The following SPG11 variants were observed in gnomAD, a reference collection of about 807,000 sequenced individuals.
SPG11 encodes SPG11 vesicle trafficking associated, spatacsin, also known as spatacsin.
Under a neutral mutation model 274.0 loss-of-function variants are expected in SPG11, and 222 were observed. That is an observed-to-expected ratio of 0.81 (90% CI 0.73 to 0.91). The LOEUF (loss-of-function observed/expected upper bound fraction) is 0.91. SPG11 is among the 40% of genes least tolerant of loss of function. The pLI is 0.00. For synonymous variants in SPG11, 1,144 were observed against 1,039.7 expected (o/e 1.10, Z -1.93); for missense variants, 3,114 against 2,872.7 (o/e 1.08, Z -1.92).
intron 30 of SPG11, among the ~76,000 whole-genome samples, chr15:44,583,306 C>T (rs2082691650): frequency 2.6e-5 from 4 of 152,092 alleles, no homozygotes; most frequent in Admixed American, 2.6e-4. Flanking sequence ...ATGGTGAAAC[C>T]CGGTCTCTAC....
chr15:44,609,749 T>G (rs2083411355), intron 18 of SPG11, among the ~76,000 whole-genome samples: 1 of 151,110 alleles, frequency 6.6e-6, no homozygotes, highest in Admixed American at 6.6e-5. Context: ...TTTTTTTTTT[T>G]GAGACAAGGT....
chr15:44,657,043 C>G, intron 4 of SPG11, 52 bp downstream of exon 4: 2 of 1,513,342 alleles, frequency 1.3e-6, no homozygotes, highest in Non-Finnish European at 1.8e-6. Context: ...TTTTTAACCT[C>G]TTATCAGTCT....
intron 27 of SPG11, among the ~76,000 whole-genome samples, chr15:44,591,275 G>C (rs2082893845): frequency 6.6e-6 from 1 of 152,160 alleles, no homozygotes; most frequent in African/African-American, 2.4e-5. Flanking sequence ...GTTCCTGAAT[G>C]TTTTCTATAA....
At position 44,574,097 on chromosome 15, in the gene SPG11, G is replaced by C. The variant is rs770623551; in HGVS notation, c.6007-352C>G. Among the ~76,000 whole-genome samples the C allele has an allele frequency of 5.2e-4, 79 of 152,310 alleles. 1 individual carries two copies. Among genetic ancestry groups the C allele is most frequent in the Non-Finnish European group, 1.1e-3 (74 of 68,038 alleles). On this transcript the variant is annotated intron_variant, in intron 31 of 39. Coordinates refer to ENST00000261866, the MANE Select transcript of SPG11 (RefSeq NM_025137.4). ...TGGCTCACCACAACCGCTGCCTACTGGGTTCAAGCAATTCTCCTGCCTCAG... is the reference window on the plus strand; with the variant it reads ...TGGCTCACCACAACCGCTGCCTACTCGGTTCAAGCAATTCTCCTGCCTCAG...
chr15:44,626,892 TC>T (rs1490319918), intron 10 of SPG11, among the ~76,000 whole-genome samples: 5 of 152,060 alleles, frequency 3.3e-5, no homozygotes, highest in Non-Finnish European at 7.4e-5. Flanking sequence ...CAGTAAGTGT[TC>T]CGTAGATATA....
rs201918221 is a variant in SPG11, at chr15:44,563,292, T to A, written c.7161A>T (p.Gln2387His). 1.3e-4 allele frequency: 217 copies of A among 1,612,688 alleles called. No individual in the cohort carries two copies. In the African/African-American group the frequency reaches 2.5e-3, roughly 19 times the overall value. The stretch of plus-strand genomic sequence containing the variant: ...CCATGACCATGTCAGTAGGCTGATG[T>A]TGTTTATATCTAGATAAAGAAACAT... ...IFEEISKKYK[Q>H]HQPTDMVMEN... The change falls in exon 40 of 40, where the codon CAA becomes CAT. Residue 2387 changes from glutamine (Q) to histidine (H), a missense_variant. Gln to His is a conservative substitution (Grantham distance 24). Transcript: ENST00000261866.
intron 33 of SPG11, among the ~76,000 whole-genome samples, chr15:44,572,248 AAG>A (rs937704291): frequency 9.2e-5 from 14 of 152,246 alleles, no homozygotes; most frequent in Non-Finnish European, 2.1e-4. Flanking sequence ...TTTTTTAAAA[AAG>A]AGAACTTATC....
intron 20 of SPG11, among the ~76,000 whole-genome samples, chr15:44,605,548 C>T (rs113537123): frequency 0.013 from 2,026 of 152,224 alleles, 22 homozygotes; most frequent in Middle Eastern, 0.048. Flanking sequence ...TAGGACATCA[C>T]GATGTGTGTG....
intron 6 of SPG11, among the ~76,000 whole-genome samples, chr15:44,650,910 G>A (rs1207761482): frequency 6.6e-6 from 1 of 152,036 alleles, no homozygotes; most frequent in Non-Finnish European, 1.5e-5. Context: ...ACCACGCAAG[G>A]CTAATTTTTG....
At position 44,598,371 on chromosome 15, in the gene SPG11, C is replaced by T. The variant is rs747112450; in HGVS notation, c.3895G>A (p.Glu1299Lys). The T allele has an allele frequency of 2.2e-5, 35 of 1,613,072 alleles. No homozygotes were observed. Among genetic ancestry groups the T allele is most frequent in the South Asian group, 1.8e-4 (16 of 91,032 alleles). The change falls in exon 23 of 40, where the codon GAA (glutamate) becomes AAA (lysine). Residue 1299 changes from glutamate to lysine, a missense_variant and splice_region_variant. Transcript: ENST00000261866. ...CCATCAGCTAGTTTAGATAGTTTTT[C>T]GGCTGTAAGAAATATAAACAACAAA... ...QYSFIRESVA[E>K]KLSKLADGEK...
At position 44,659,284 on chromosome 15, in the gene SPG11, C is replaced by A; in HGVS notation, c.462G>T (p.Leu154Phe). Residue 154 changes from leucine to phenylalanine, a missense_variant, in exon 3 of 40, where the codon TTG (leucine) becomes TTT (phenylalanine). Transcript: ENST00000261866. ...TGTTATTGTGAAATGACAGGATTCT[C>A]AAAGACAATAAGGAAATACCTACAA... ...DQDISISLLS[L>F]RILSFHNNTS... 2 of 1,613,648 alleles carry A rather than the reference C, an allele frequency of 1.2e-6. No individual in the cohort carries two copies. Among genetic ancestry groups the A allele is most frequent in the South Asian group, 2.2e-5 (2 of 91,034 alleles).
At chr15:44,638,652 T>C (rs377727461) in intron 7 of SPG11, among the ~76,000 whole-genome samples, 7 of 152,310 alleles carry the variant, frequency 4.6e-5, no homozygotes, top group African/African-American at 1.7e-4. Context: ...GGAGTGCTTA[T>C]GATGTTTTAT....
In SPG11 at chr15:44,657,131, T is replaced by A. The variant is rs75309308; in HGVS notation, c.833A>T (p.Asn278Ile). ...ATTTAAGTTAAGAGCAACTGCGGAG[T>A]TGGAGGAGCTGACAATCACTGCAAC... Reference protein sequence around the residue: ...LDVAVIVSSSNSAVALNLNLY... With the variant: ...LDVAVIVSSSISAVALNLNLY... Residue 278 changes from asparagine to isoleucine, a missense_variant, in exon 4 of 40, where the codon AAC becomes ATC. Asn to Ile is a moderately radical substitution (Grantham distance 149, BLOSUM62 -3). Transcript: ENST00000261866. 1.3e-4 allele frequency: 214 copies of A among 1,614,046 alleles called. No individual in the cohort carries two copies. Among genetic ancestry groups the A allele is most frequent in the Non-Finnish European group, 1.7e-4 (196 of 1,180,010 alleles).
At chr15:44,609,077 T>A (rs540757265) in intron 18 of SPG11, among the ~76,000 whole-genome samples, 37 of 152,248 alleles carry the variant, frequency 2.4e-4, no homozygotes, top group African/African-American at 8.7e-4. Context: ...CTAAAAAAGG[T>A]GGTACTAAGT....
intron 8 of SPG11, among the ~76,000 whole-genome samples, chr15:44,630,442 T>A (rs1040467700): frequency 6.6e-6 from 1 of 152,238 alleles, no homozygotes; most frequent in Non-Finnish European, 1.5e-5. Flanking sequence ...CAACTGCTGA[T>A]GGAGCCCTGC....
At chr15:44,632,011 G>T (rs1354375264) in intron 8 of SPG11, among the ~76,000 whole-genome samples, 1 of 151,496 alleles carries the variant, frequency 6.6e-6, no homozygotes, top group African/African-American at 2.4e-5. Context: ...GTTTCACTAT[G>T]TTACCCAGGC....
intron 33 of SPG11, among the ~76,000 whole-genome samples, chr15:44,571,331 T>C (rs969637658): frequency 6.6e-6 from 1 of 152,104 alleles, no homozygotes; most frequent in African/African-American, 2.4e-5. Context: ...GACCCCATCA[T>C]TCTGGCTCTT....
In SPG11 at chr15:44,573,673, G is replaced by T. The variant is rs2082473910; in HGVS notation, c.6079C>A (p.Gln2027Lys). The T allele has an allele frequency of 6.2e-7, 1 of 1,614,112 alleles. No homozygotes were observed. The highest frequency in any genetic ancestry group is 1.3e-5 in the African/African-American group (1 of 74,930). ...GCTCGTTTGCATCGGTCAGGCTGCT[G>T]AGAGGCCAAGATTTTCCGGAGCATG... ...EAMLRKILAS[Q>K]QPDRCKRAQA... is the part of the protein sequence containing the mutation. Residue 2027 changes from glutamine to lysine, a missense_variant, in exon 32 of 40, where the codon CAG (glutamine) becomes AAG (lysine). Coordinates refer to ENST00000261866, the MANE Select transcript of SPG11 (RefSeq NM_025137.4).
Position 44,574,893 on chromosome 15 carries a change from G to C in SPG11, c.6006+9C>G. On this transcript the variant is annotated intron_variant, in intron 31 of 39. Transcript: ENST00000261866. ...CTCAGAAAGAGGAGCCCCACCCCTT[G>C]GCACATACCTTGGCAAGATCATACA... is the stretch of plus-strand genomic sequence containing the variant. The C allele has an allele frequency of 6.2e-7, 1 of 1,613,556 alleles. No homozygotes were observed. Among genetic ancestry groups the C allele is most frequent in the Non-Finnish European group, 8.5e-7 (1 of 1,179,984 alleles).
Sources: gnomAD v4.1 joint callset for allele counts (sites outside exome capture counted in the v4.1 genomes callset) on GRCh38, gnomAD v4.1.1 for gene constraint, MANE v1.5 for transcripts, NCBI Gene and HGNC (gene_info 2026-07-23, HGNC 2026-07-21) for gene names.